Variants in MCTP1 observed in about 807,000 individuals in gnomAD.
MCTP1 encodes multiple C2 and transmembrane domain containing 1.
MCTP1 carries 69 observed loss-of-function variants against 120.6 expected under a neutral mutation model. The observed-to-expected ratio is 0.57, with a 90% CI of 0.47 to 0.70. MCTP1 has a LOEUF of 0.70. MCTP1 is among the 30% of genes least tolerant of loss of function. The pLI is 0.00. For missense variants in MCTP1, 1,203 were observed against 1,248.8 expected, an observed-to-expected ratio of 0.96 and a Z score of 0.55; for synonymous variants, 529 against 493.1, an observed-to-expected ratio of 1.07 and a Z score of -0.96.
chr5:95,262,124 T>C (rs1758519904), intron 1 of MCTP1, among the ~76,000 whole-genome samples: 2 of 152,150 alleles, frequency 1.3e-5, no homozygotes, highest in Non-Finnish European at 2.9e-5. Context: ...TATGGGCCCA[T>C]CTCGAGATGA....
chr5:95,028,302 G>A (rs1485333738), intron 1 of MCTP1, among the ~76,000 whole-genome samples: 3 of 152,062 alleles, frequency 2.0e-5, no homozygotes, highest in African/African-American at 7.2e-5. Context: ...TTACCAGAAA[G>A]CAGAAAAGGC....
chr5:95,275,626 G>A (rs893360730), intron 1 of MCTP1, among the ~76,000 whole-genome samples: 13 of 152,000 alleles, frequency 8.6e-5, no homozygotes, highest in Non-Finnish European at 1.6e-4. Context: ...ATCCCAACAC[G>A]CAATCAATAT....
At chr5:94,853,657 CTG>C (rs1794181653) in intron 17 of MCTP1, among the ~76,000 whole-genome samples, 1 of 151,902 alleles carries the variant, frequency 6.6e-6, no homozygotes, top group Non-Finnish European at 1.5e-5. Flanking sequence ...AAGGACACCA[CTG>C]TGAGTGGCTA....
At chr5:95,260,097 T>C (rs2152715691) in intron 1 of MCTP1, among the ~76,000 whole-genome samples, 1 of 152,318 alleles carries the variant, frequency 6.6e-6, no homozygotes, top group East Asian at 1.9e-4. Flanking sequence ...TTATCCTGTA[T>C]CTGTAATCTG....
chr5:95,004,461 T>C (rs1251814718), intron 2 of MCTP1, among the ~76,000 whole-genome samples: 1 of 152,154 alleles, frequency 6.6e-6, no homozygotes, highest in East Asian at 1.9e-4. Flanking sequence ...TCCAAGGCAT[T>C]TCAGACGTCT....
chr5:95,127,525 G>A (rs959262638), intron 1 of MCTP1, among the ~76,000 whole-genome samples: 3 of 152,118 alleles, frequency 2.0e-5, no homozygotes, highest in Non-Finnish European at 4.4e-5. Flanking sequence ...ACTTGGAAGA[G>A]CATCTATTTG....
intron 1 of MCTP1, among the ~76,000 whole-genome samples, chr5:95,209,625 T>C (rs1752087032): frequency 6.6e-6 from 1 of 152,184 alleles, no homozygotes; most frequent in African/African-American, 2.4e-5. Flanking sequence ...ACTGGATTAT[T>C]CTATGCTTCT....
intron 1 of MCTP1, among the ~76,000 whole-genome samples, chr5:95,077,089 T>C (rs952091685): frequency 6.6e-6 from 1 of 152,204 alleles, no homozygotes; most frequent in Non-Finnish European, 1.5e-5. Flanking sequence ...CAAATAAATT[T>C]TGATTCCCAG....
chr5:94,989,521 C>T (rs906961776), intron 2 of MCTP1, among the ~76,000 whole-genome samples: 3 of 152,096 alleles, frequency 2.0e-5, no homozygotes, highest in East Asian at 1.9e-4. Context: ...ATTTCTTGAG[C>T]GATAGAAGCA....
At chr5:94,927,846 T>C (rs1228316418) in intron 6 of MCTP1, among the ~76,000 whole-genome samples, 2 of 152,146 alleles carry the variant, frequency 1.3e-5, no homozygotes. Flanking sequence ...AAAAGTCTTA[T>C]TAAAAATTGC....
intron 5 of MCTP1, among the ~76,000 whole-genome samples, chr5:94,936,702 G>C (rs143990485): frequency 6.6e-6 from 1 of 152,160 alleles, no homozygotes; most frequent in East Asian, 1.9e-4. Flanking sequence ...ACCAGTTCTA[G>C]AGAGCTTAAT....
At chr5:95,054,901 A>G (rs984116139) in intron 1 of MCTP1, among the ~76,000 whole-genome samples, 3 of 152,060 alleles carry the variant, frequency 2.0e-5, no homozygotes, top group African/African-American at 7.2e-5. Flanking sequence ...TCCGCCTCCC[A>G]AGATCAAGCG....
chr5:95,151,988 A>G (rs1443479033), intron 1 of MCTP1, among the ~76,000 whole-genome samples: 1 of 152,222 alleles, frequency 6.6e-6, no homozygotes, highest in Non-Finnish European at 1.5e-5. Flanking sequence ...TGAATATTCC[A>G]GGTTATAGCC....
chr5:95,213,960 A>C (rs1156520707), intron 1 of MCTP1, among the ~76,000 whole-genome samples: 1 of 152,070 alleles, frequency 6.6e-6, no homozygotes, highest in Non-Finnish European at 1.5e-5. Context: ...ATGGGCAAGG[A>C]CTTCATGTCT....
At chr5:94,804,674 G>A (rs1340296926) in intron 17 of MCTP1, among the ~76,000 whole-genome samples, 18 of 152,150 alleles carry the variant, frequency 1.2e-4, no homozygotes, top group Admixed American at 1.2e-3. Flanking sequence ...TCCTGACCTC[G>A]TGATCTGCCC....
At position 94,779,090 on chromosome 5, in the gene MCTP1, G is replaced by A. The variant is rs1776046947; in HGVS notation, c.2610+20C>T. On this transcript the variant is annotated intron_variant, in intron 19 of 22. Transcript: ENST00000515393. ...CATTTCCCCATCCCCAGGTACCCAA[G>A]TGCTGGGAAAGATAATTACCTTGTC... 6.2e-7 allele frequency: 1 copy of A among 1,607,366 alleles called. No individual in the cohort carries two copies. Among genetic ancestry groups the A allele is most frequent in the East Asian group, 2.2e-5 (1 of 44,840 alleles).
In MCTP1 at chr5:94,840,765, T is replaced by C. The variant is rs562653211; in HGVS notation, c.2436+27568A>G. ...GTACTCTTGTAAGAATGAAATCATATAATATTTGCAATATAGTCTAGACAA... is the reference window on the plus strand; with the variant it reads ...GTACTCTTGTAAGAATGAAATCATACAATATTTGCAATATAGTCTAGACAA... On this transcript the variant is annotated intron_variant, in intron 17 of 22. Coordinates refer to ENST00000515393, the MANE Select transcript of MCTP1 (RefSeq NM_024717.7). Among the ~76,000 whole-genome samples, 13 of 152,326 alleles carry C rather than the reference T, an allele frequency of 8.5e-5. No homozygotes were observed. The East Asian group carries it at 2.3e-3, about 27-fold the overall frequency.
chr5:95,091,562 C>T (rs773625286), intron 1 of MCTP1, among the ~76,000 whole-genome samples: 1 of 152,156 alleles, frequency 6.6e-6, no homozygotes, highest in Non-Finnish European at 1.5e-5. Context: ...CCTTTAGATG[C>T]CCTGACTGCC....
chr5:95,256,544 G>T (rs1428098565), intron 1 of MCTP1, among the ~76,000 whole-genome samples: 1 of 152,168 alleles, frequency 6.6e-6, no homozygotes, highest in Non-Finnish European at 1.5e-5. Flanking sequence ...TCCAGCCTAG[G>T]GGTAATAGTG....
Sources: gnomAD v4.1 joint callset for allele counts (sites outside exome capture counted in the v4.1 genomes callset) on GRCh38, gnomAD v4.1.1 for gene constraint, MANE v1.5 for transcripts, NCBI Gene and HGNC (gene_info 2026-07-23, HGNC 2026-07-21) for gene names.